The following CELF6 variants were observed in gnomAD, a reference collection of about 807,000 sequenced individuals.
The protein encoded by CELF6 is CUGBP Elav-like family member 6.
Under a neutral mutation model 53.1 loss-of-function variants are expected in CELF6, and 32 were observed. That is an observed-to-expected ratio of 0.60 (90% confidence interval 0.46 to 0.81). The LOEUF (loss-of-function observed/expected upper bound fraction) is 0.81, where lower values mean the gene tolerates loss of function less well. Among genes scored for constraint, CELF6 ranks in the 30% least tolerant of loss-of-function variants. The pLI, the probability that CELF6 is intolerant of heterozygous loss-of-function variation, is 0.00. For missense variants in CELF6, 539 were observed against 669.5 expected (o/e 0.81, Z 2.15); for synonymous variants, 291 against 288.8 (o/e 1.01, Z -0.08).
In CELF6 at chr15:72,288,591, A is replaced by T; in HGVS notation, c.1121T>A (p.Val374Glu). Residue 374 changes from valine to glutamate, a missense_variant, in exon 10 of 13, where the codon GTG becomes GAG. By Grantham distance (121) the Val-to-Glu change is moderately radical. This residue lies in a region of CELF6 where 358 missense variants were observed against 412.8 expected (regional missense o/e 0.87). Coordinates refer to ENST00000287202, the MANE Select transcript of CELF6 (RefSeq NM_052840.5). The surrounding 1 kb of genome is among the most constrained non-coding windows in gnomAD (Gnocchi z 4.6). ...AAAYPSAYAP[V>E]STAFPQQPSA... is the part of the protein sequence containing the mutation. ...AGGCTGCTGGGGAAAAGCTGTGCTCACTGGGGCATAGGCCGACGGATAGGC... is the reference window on the plus strand; with the variant it reads ...AGGCTGCTGGGGAAAAGCTGTGCTCTCTGGGGCATAGGCCGACGGATAGGC... The T allele has an allele frequency of 6.3e-7, 1 of 1,577,566 alleles. No individual in the cohort carries two copies.
intron 3 of CELF6, among the ~76,000 whole-genome samples, chr15:72,296,363 TAA>T (rs1352993756): frequency 6.6e-6 from 1 of 152,062 alleles, no homozygotes; most frequent in Non-Finnish European, 1.5e-5. Flanking sequence ...AAAGTAAAAA[TAA>T]ATAAATTGGA....
chr15:72,307,159 C>T (rs899994347), intron 2 of CELF6, among the ~76,000 whole-genome samples: 2 of 152,186 alleles, frequency 1.3e-5, no homozygotes, highest in African/African-American at 4.8e-5. Flanking sequence ...GTGACGAGCA[C>T]ACGTGACAGC....
At chr15:72,307,461 A>C (rs1044534645) in intron 2 of CELF6, among the ~76,000 whole-genome samples, 1 of 152,130 alleles carries the variant, frequency 6.6e-6, no homozygotes, top group Non-Finnish European at 1.5e-5. Context: ...TAATGTTACC[A>C]TTTCCTGAGA....
intron 3 of CELF6, among the ~76,000 whole-genome samples, chr15:72,298,232 G>GA (rs1335730885): frequency 1.3e-5 from 2 of 152,186 alleles, no homozygotes; most frequent in Non-Finnish European, 2.9e-5. Flanking sequence ...AAAGAACTTG[G>GA]AAAAGATGGC....
intron 2 of CELF6, among the ~76,000 whole-genome samples, chr15:72,309,988 C>T (rs1407565880): frequency 6.6e-6 from 1 of 152,068 alleles, no homozygotes; most frequent in Non-Finnish European, 1.5e-5. Context: ...GGTCAGAGGC[C>T]GCACAGACAC....
chr15:72,288,737 G>A lies in CELF6; in HGVS notation c.1094-119C>T, dbSNP rs1254951267. Reference sequence around the variant, plus strand: ...GTCCACCATAACCCTCACCCCAAGAGAGGTCGTTCTGGGGGTAGGAGGGGA... The same window carrying A: ...GTCCACCATAACCCTCACCCCAAGAAAGGTCGTTCTGGGGGTAGGAGGGGA... On this transcript the variant is annotated intron_variant, in intron 9 of 12. Coordinates refer to ENST00000287202, the MANE Select transcript of CELF6 (RefSeq NM_052840.5). The surrounding 1 kb of genome is among the most constrained non-coding windows in gnomAD (Gnocchi z 4.6). 1.5e-6 allele frequency: 2 copies of A among 1,361,548 alleles called. No homozygotes were observed. The highest frequency in any genetic ancestry group is 2.1e-6 in the Non-Finnish European group (2 of 971,778). The allele number at this position is 1,361,548 out of a possible 1,614,324, so 84.3% of individuals were successfully genotyped here.
At chr15:72,305,056 T>C (rs1182709559) in intron 2 of CELF6, among the ~76,000 whole-genome samples, 1 of 152,200 alleles carries the variant, frequency 6.6e-6, no homozygotes, top group Non-Finnish European at 1.5e-5. Context: ...AAAGAGACTT[T>C]TCTGCCTGGG....
intron 2 of CELF6, among the ~76,000 whole-genome samples, chr15:72,313,409 C>G (rs549305551): frequency 1.3e-5 from 2 of 152,324 alleles, no homozygotes; most frequent in African/African-American, 4.8e-5. Flanking sequence ...CTAGCCTGGC[C>G]AACATGGTGA....
In CELF6 at chr15:72,304,710, G is replaced by T. The variant is rs768785214; in HGVS notation, c.394+36C>A. 2.7e-5 allele frequency: 43 copies of T among 1,605,702 alleles called. 2 individuals are homozygous for T. In the South Asian group the frequency reaches 4.3e-4, roughly 16 times the overall value. On this transcript the variant is annotated intron_variant, in intron 3 of 12. Transcript: ENST00000287202. ...GTGTGGGCCCACCCTCCCTTACACG[G>T]GTTGCAGCCTGAGGTTGGTCAGACA...
intron 3 of CELF6, among the ~76,000 whole-genome samples, chr15:72,291,240 G>A (rs182160762): frequency 2.9e-4 from 44 of 152,256 alleles, no homozygotes; most frequent in African/African-American, 1.0e-3. Context: ...TGGAGAGCTG[G>A]GGCTGGAAAC....
At position 72,289,277 on chromosome 15, in the gene CELF6, G is replaced by A; in HGVS notation, c.891C>T (p.Ser297=). 8.3e-6 allele frequency: 13 copies of A among 1,574,572 alleles called. No homozygotes were observed. The highest frequency in any genetic ancestry group is 1.1e-5 in the Non-Finnish European group (13 of 1,165,338). The change falls in exon 8 of 13, where the codon TCC becomes TCT. Residue 297 remains serine, a synonymous_variant. Transcript: ENST00000287202. This position sits in a 1 kb window ranked among gnomAD's most constrained non-coding sequence, Gnocchi z 7.6. ...GGGTGCCAGGGCCGCTGCCAGGCGGGGAGTTGGCTGCTGATGGCGGAAAAG... is the reference window on the plus strand; with the variant it reads ...GGGTGCCAGGGCCGCTGCCAGGCGGAGAGTTGGCTGCTGATGGCGGAAAAG... The part of the protein sequence containing the change: ...APLLPAAAAN[S]PPGSGPGTLP...
chr15:72,291,744 G>T (rs115582725), intron 3 of CELF6, among the ~76,000 whole-genome samples: 1 of 152,164 alleles, frequency 6.6e-6, no homozygotes, highest in East Asian at 1.9e-4. Flanking sequence ...TCTGTCTGAC[G>T]ATGCTATGTC....
chr15:72,288,688 G>A lies in CELF6; in HGVS notation c.1094-70C>T, dbSNP rs1056936537. On this transcript the variant is annotated intron_variant, in intron 9 of 12. Coordinates refer to ENST00000287202, the MANE Select transcript of CELF6 (RefSeq NM_052840.5). This position sits in a 1 kb window ranked among gnomAD's most constrained non-coding sequence, Gnocchi z 4.6. ...CCCCAAGCAGGGCCCCAACTGCCTG[G>A]CCGCTTTTGACCAATTCAGCCCAGT... 2.0e-6 allele frequency: 3 copies of A among 1,479,904 alleles called. No homozygotes were observed. In the Admixed American group the frequency reaches 5.8e-5, roughly 29 times the overall value. 91.7% of individuals were successfully genotyped at this position (1,479,904 alleles called of 1,614,324 possible). A position where few individuals can be genotyped will look rare whatever the true frequency, so the allele number is the denominator to read the frequency against.
At chr15:72,304,642 A>G in intron 3 of CELF6, 104 bp downstream of exon 3, 1 of 1,018,260 alleles carries the variant, frequency 9.8e-7, no homozygotes, top group Non-Finnish European at 1.5e-6. Flanking sequence ...TGTCCCCTTG[A>G]CCCAGGGAGG....
chr15:72,299,931 C>T (rs1268064113), intron 3 of CELF6, among the ~76,000 whole-genome samples: 1 of 152,116 alleles, frequency 6.6e-6, no homozygotes, highest in African/African-American at 2.4e-5. Context: ...AAAGTGTTGC[C>T]AAGGCTGCGG....
chr15:72,290,685 A>G (rs1449511825), intron 3 of CELF6, among the ~76,000 whole-genome samples: 1 of 152,202 alleles, frequency 6.6e-6, no homozygotes, highest in Non-Finnish European at 1.5e-5. Context: ...GGGTCCAGAG[A>G]AGAGAAGTAC....
Position 72,289,891 on chromosome 15 carries a change from G to T in CELF6, c.603+48C>A, listed in dbSNP as rs1567277964. ...GAGCACACTCGGGGAGGAGAAGCCC[G>T]TCCCCACCCCACTGGCCTCACCCTC... On this transcript the variant is annotated intron_variant, in intron 5 of 12. Transcript: ENST00000287202. This position sits in a 1 kb window ranked among gnomAD's most constrained non-coding sequence, Gnocchi z 7.6. The T allele has an allele frequency of 1.3e-6, 2 of 1,530,442 alleles. No homozygotes were observed. The highest frequency in any genetic ancestry group is 1.2e-5 in the South Asian group (1 of 83,452). 94.8% of individuals were successfully genotyped at this position (1,530,442 alleles called of 1,614,324 possible).
chr15:72,293,756 C>T (rs928025196), intron 3 of CELF6, among the ~76,000 whole-genome samples: 4 of 151,194 alleles, frequency 2.6e-5, no homozygotes, highest in African/African-American at 7.3e-5. Flanking sequence ...AGCAATGGCA[C>T]GATCTCGGCT....
chr15:72,302,014 C>G (rs764115635), intron 3 of CELF6, among the ~76,000 whole-genome samples: 2 of 152,188 alleles, frequency 1.3e-5, no homozygotes, highest in Non-Finnish European at 2.9e-5. Context: ...GGATTACAGG[C>G]GTGAGCCACT....
Sources: allele counts gnomAD v4.1 joint callset (sites outside exome capture counted in the v4.1 genomes callset), GRCh38; gene constraint gnomAD v4.1.1; regional missense constraint gnomAD v4.1.1; non-coding constraint Gnocchi (gnomAD v3.1); transcripts MANE v1.5; gene names NCBI Gene and HGNC (gene_info 2026-07-23, HGNC 2026-07-21).